LRFN5: variants seen among roughly 807,000 people sequenced by gnomAD.
LRFN5 encodes leucine rich repeat and fibronectin type III domain containing 5.
LRFN5 carries 24 observed loss-of-function variants against 45.6 expected under a neutral mutation model. The observed-to-expected ratio is 0.53, with a 90% confidence interval of 0.38 to 0.74. The LOEUF (loss-of-function observed/expected upper bound fraction) is 0.74. LRFN5 is among the 30% of genes least tolerant of loss of function. The pLI is 0.00. For synonymous variants in LRFN5, 340 were observed against 313.8 expected (o/e 1.08, Z -0.88); for missense variants, 776 against 861.5 (o/e 0.90, Z 1.24).
intron 1 of LRFN5, among the ~76,000 whole-genome samples, chr14:41,695,087 T>C (rs922027574): frequency 1.3e-5 from 2 of 152,060 alleles, no homozygotes; most frequent in African/African-American, 4.8e-5. Context: ...ACAACAACCA[T>C]ATTGCTGATA....
chr14:41,726,553 G>GAA, intron 1 of LRFN5, among the ~76,000 whole-genome samples: 1 of 152,202 alleles, frequency 6.6e-6, no homozygotes, highest in East Asian at 1.9e-4. Flanking sequence ...ATGTGCCTCT[G>GAA]AAAACCCATA....
Position 41,894,902 on chromosome 14 carries a change from A to G in LRFN5, c.2098+2940A>G, listed in dbSNP as rs945622250. On this transcript the variant is annotated intron_variant, in intron 4 of 5. Coordinates refer to ENST00000298119, the MANE Select transcript of LRFN5 (RefSeq NM_152447.5). ...TATTTTATTCCTCATTTAAACAGTC[A>G]TATATATGTGATCTGAAGCATCTGG... The G allele has an allele frequency of 1.0e-5, 10 of 983,744 alleles. No homozygotes were observed. The Admixed American group carries it at 3.7e-4, about 36-fold the overall frequency. 60.9% of individuals were successfully genotyped at this position (983,744 alleles called of 1,614,324 possible). A position where few individuals can be genotyped will look rare whatever the true frequency, so the allele number is the denominator to read the frequency against.
chr14:41,847,911 GACC>G (rs1889125056), intron 2 of LRFN5, among the ~76,000 whole-genome samples: 1 of 152,048 alleles, frequency 6.6e-6, no homozygotes, highest in Non-Finnish European at 1.5e-5. Flanking sequence ...CTTTCTCAAT[GACC>G]ACAAGTTACC....
intron 2 of LRFN5, among the ~76,000 whole-genome samples, chr14:41,822,342 G>A (rs1358664874): frequency 6.6e-6 from 1 of 151,706 alleles, no homozygotes; most frequent in East Asian, 1.9e-4. Context: ...AAAGGTTTTG[G>A]TTGTGTTTCT....
At chr14:41,711,915 A>G (rs1883301071) in intron 1 of LRFN5, among the ~76,000 whole-genome samples, 2 of 152,196 alleles carry the variant, frequency 1.3e-5, no homozygotes, top group African/African-American at 4.8e-5. Flanking sequence ...AATCAAAATG[A>G]TGCTTAGGAA....
At chr14:41,840,362 A>T (rs1888816758) in intron 2 of LRFN5, among the ~76,000 whole-genome samples, 1 of 152,072 alleles carries the variant, frequency 6.6e-6, no homozygotes, top group South Asian at 2.1e-4. Context: ...TATAAATACT[A>T]TTAGTGAAAT....
At chr14:41,760,129 A>G (rs1343184593) in intron 1 of LRFN5, among the ~76,000 whole-genome samples, 1 of 152,208 alleles carries the variant, frequency 6.6e-6, no homozygotes, top group African/African-American at 2.4e-5. Flanking sequence ...TCTAAATTTT[A>G]TCACATATGT....
At chr14:41,618,396 A>G (rs1950914745) in intron 1 of LRFN5, among the ~76,000 whole-genome samples, 1 of 152,208 alleles carries the variant, frequency 6.6e-6, no homozygotes, top group Admixed American at 6.5e-5. Flanking sequence ...TCCTCCAGAG[A>G]CTATGTAGCT....
chr14:41,734,316 T>TTATTTATATATATATATA (rs1441190358), intron 1 of LRFN5, among the ~76,000 whole-genome samples: 3 of 38,768 alleles, frequency 7.7e-5, no homozygotes, highest in African/African-American at 1.6e-4. Flanking sequence ...TGGACTGGTT[T>TTATTTATATATATATATA]TATATATATA....
chr14:41,774,229 A>G (rs919480035), intron 2 of LRFN5, among the ~76,000 whole-genome samples: 1 of 152,348 alleles, frequency 6.6e-6, no homozygotes, highest in South Asian at 2.1e-4. Context: ...TACTGACTCA[A>G]TGTAAGGTTA....
chr14:41,662,934 GAGTT>G (rs1880723967), intron 1 of LRFN5, among the ~76,000 whole-genome samples: 1 of 152,010 alleles, frequency 6.6e-6, no homozygotes, highest in African/African-American at 2.4e-5. Flanking sequence ...TTACATTTAT[GAGTT>G]AGAGTGGTTT....
intron 1 of LRFN5, among the ~76,000 whole-genome samples, chr14:41,649,159 C>T (rs936573509): frequency 1.3e-5 from 2 of 151,918 alleles, no homozygotes; most frequent in Non-Finnish European, 1.5e-5. Context: ...TGCTTGAACC[C>T]GGGAGGCGGA....
chr14:41,830,439 T>G (rs1291299376), intron 2 of LRFN5, among the ~76,000 whole-genome samples: 2 of 152,230 alleles, frequency 1.3e-5, no homozygotes, highest in Non-Finnish European at 2.9e-5. Flanking sequence ...ATCAGCTTTA[T>G]CTTTGATTTC....
chr14:41,661,053 C>T (rs967550414), intron 1 of LRFN5, among the ~76,000 whole-genome samples: 17 of 150,670 alleles, frequency 1.1e-4, no homozygotes, highest in South Asian at 4.2e-4. Context: ...ATGCTAATCT[C>T]GTATGGGTCA....
intron 2 of LRFN5, among the ~76,000 whole-genome samples, chr14:41,818,502 C>T (rs536110228): frequency 3.6e-4 from 55 of 151,900 alleles, no homozygotes; most frequent in African/African-American, 1.2e-3. Context: ...TACACACACA[C>T]AAACACACAC....
At chr14:41,865,635 A>G (rs1258736662) in intron 2 of LRFN5, among the ~76,000 whole-genome samples, 1 of 152,178 alleles carries the variant, frequency 6.6e-6, no homozygotes, top group Admixed American at 6.5e-5. Flanking sequence ...ATTTTAAGCA[A>G]TTATATTTAA....
At chr14:41,832,484 C>G (rs1308899698) in intron 2 of LRFN5, among the ~76,000 whole-genome samples, 1 of 152,022 alleles carries the variant, frequency 6.6e-6, no homozygotes, top group African/African-American at 2.4e-5. Context: ...AATATTCCTC[C>G]CTTCGGAACT....
rs750466451 is a variant in LRFN5, at chr14:41,897,614, T to A, written c.2099-1303T>A. On this transcript the variant is annotated intron_variant, in intron 4 of 5. Coordinates refer to ENST00000298119, the MANE Select transcript of LRFN5 (RefSeq NM_152447.5). ...TATGAAAACATAGATTTAAATGGACTGGCTGTCAGAGAACTCCCAGAAAAA... is the reference window on the plus strand; with the variant it reads ...TATGAAAACATAGATTTAAATGGACAGGCTGTCAGAGAACTCCCAGAAAAA... Among the ~76,000 whole-genome samples the A allele has an allele frequency of 7.9e-5, 12 of 152,260 alleles. No individual in the cohort carries two copies. In the South Asian group the frequency reaches 1.2e-3, roughly 16 times the overall value.
At chr14:41,712,812 AT>A (rs1450015556) in intron 1 of LRFN5, among the ~76,000 whole-genome samples, 2 of 152,002 alleles carry the variant, frequency 1.3e-5, no homozygotes, top group African/African-American at 4.8e-5. Flanking sequence ...TAGATTTAAA[AT>A]TTTTTTCTCC....
Sources: allele counts gnomAD v4.1 joint callset (sites outside exome capture counted in the v4.1 genomes callset), GRCh38; gene constraint gnomAD v4.1.1; transcripts MANE v1.5; gene names NCBI Gene and HGNC (gene_info 2026-07-23, HGNC 2026-07-21).